ATN1: variants seen among roughly 807,000 people sequenced by gnomAD.
ATN1 encodes atrophin 1, also known as atrophin-1.
In ATN1, 19 loss-of-function variants were observed where a neutral mutation model predicts 85.8. The observed-to-expected ratio is 0.22, with a 90% CI of 0.15 to 0.32. The LOEUF (loss-of-function observed/expected upper bound fraction) is 0.32, where lower values mean the gene tolerates loss of function less well. Ranked by LOEUF, ATN1 falls within the 10% of genes least tolerant of loss-of-function variation. The pLI is 1.00. For missense variants in ATN1, 1,453 were observed against 1,564.5 expected (o/e 0.93, Z 1.20); for synonymous variants, 674 against 657.0 (o/e 1.03, Z -0.39).
At position 6,941,385 on chromosome 12, in the gene ATN1, C is replaced by T. The variant is rs1945632432; in HGVS notation, c.3370C>T (p.Arg1124Trp). 6.2e-7 allele frequency: 1 copy of T among 1,601,476 alleles called. No homozygotes were observed. The change falls in exon 9 of 10, where the codon CGG (arginine) becomes TGG (tryptophan). Residue 1124 changes from arginine (R) to tryptophan (W), a missense_variant. Physicochemically the swap from Arg to Trp is moderately radical, Grantham distance 101. Around this residue, in one of 6 missense-constraint regions of ATN1, gnomAD observed 118 missense variants for 163.7 expected, o/e 0.72. Transcript: ENST00000396684. The surrounding 1 kb of genome is among the most constrained non-coding windows in gnomAD (Gnocchi z 5.9). ...CTTCCTGCTCACAGCTGCCCCTTAC[C>T]GGGACCTGCCGGCCTCCCTTTCTGC... ...LRHQLFAAPY[R>W]DLPASLSAPM...
intron 1 of ATN1, among the ~76,000 whole-genome samples, chr12:6,928,732 C>T (rs1429861063): frequency 6.6e-6 from 1 of 152,092 alleles, no homozygotes; most frequent in Non-Finnish European, 1.5e-5. Flanking sequence ...CGGAGGAAAA[C>T]GGGGGATGCT....
upstream of ATN1, among the ~76,000 whole-genome samples, chr12:6,926,763 C>T (rs1945402891): frequency 6.6e-6 from 1 of 152,182 alleles, no homozygotes; most frequent in South Asian, 2.1e-4. Context: ...AGCCCCCGCA[C>T]CGGCCCCATC....
chr12:6,939,321 C>G, intron 7 of ATN1, 144 bp downstream of exon 7: 1 of 1,238,442 alleles, frequency 8.1e-7, no homozygotes, highest in Non-Finnish European at 1.1e-6. Context: ...ACTTTGCCTC[C>G]CTGACGTTCT....
chr12:6,937,666 T>C lies in ATN1; in HGVS notation c.2294+105T>C, dbSNP rs1294970872. 2.1e-6 allele frequency: 3 copies of C among 1,430,074 alleles called. No homozygotes were observed. The East Asian group carries it at 7.5e-5, about 36-fold the overall frequency. 88.6% of individuals were successfully genotyped at this position (1,430,074 alleles called of 1,614,324 possible). A position where few individuals can be genotyped will look rare whatever the true frequency, so the allele number is the denominator to read the frequency against. ...GGGGCCTTGCGCTGGTGTAGTGTTTTAGAAAAGCACGCCCCTCTCCTCCGT... is the reference window on the plus strand; with the variant it reads ...GGGGCCTTGCGCTGGTGTAGTGTTTCAGAAAAGCACGCCCCTCTCCTCCGT... On this transcript the variant is annotated intron_variant, in intron 5 of 9. Transcript: ENST00000396684. This position sits in a 1 kb window ranked among gnomAD's most constrained non-coding sequence, Gnocchi z 6.0.
rs781816219 is a variant in ATN1 at position 6,941,814 on chromosome 12, A to T, written c.*34A>T. ...ATCAAGAGAGCACCATGGCTCCTACATTGGACCTTGGAGCACCCCCACCCT... is the reference window on the plus strand; with the variant it reads ...ATCAAGAGAGCACCATGGCTCCTACTTTGGACCTTGGAGCACCCCCACCCT... On this transcript the variant is annotated 3_prime_UTR_variant, in exon 10 of 10. Coordinates refer to ENST00000396684, the MANE Select transcript of ATN1 (RefSeq NM_001940.4). The surrounding 1 kb of genome is among the most constrained non-coding windows in gnomAD (Gnocchi z 5.9). 1.9e-6 allele frequency: 3 copies of T among 1,611,948 alleles called. No individual in the cohort carries two copies. In the Admixed American group the frequency reaches 5.0e-5, roughly 27 times the overall value.
intron 1 of ATN1, among the ~76,000 whole-genome samples, chr12:6,930,862 A>G (rs1305689096): frequency 6.6e-6 from 1 of 152,200 alleles, no homozygotes; most frequent in Non-Finnish European, 1.5e-5. Flanking sequence ...GAATGTGCTT[A>G]GTATGTGGCC....
At chr12:6,926,251 C>T (rs1945397715), upstream of ATN1, among the ~76,000 whole-genome samples, 1 of 152,158 alleles carries the variant, frequency 6.6e-6, no homozygotes, top group African/African-American at 2.4e-5. Context: ...CCACATTAAG[C>T]CCAGTCTTCA....
rs146944608 is a variant in ATN1 at position 6,940,279 on chromosome 12, C to T, written c.3215-601C>T. On this transcript the variant is annotated intron_variant, in intron 7 of 9. Coordinates refer to ENST00000396684, the MANE Select transcript of ATN1 (RefSeq NM_001940.4). Reference sequence around the variant, plus strand: ...TGCTGGAATTACAAGCGTGAGCCACCGCACCCGGCTTCCTTTTTTTCTTTT... The same window carrying T: ...TGCTGGAATTACAAGCGTGAGCCACTGCACCCGGCTTCCTTTTTTTCTTTT... Among the ~76,000 whole-genome samples the T allele has an allele frequency of 5.6e-3, 854 of 151,220 alleles. 3 individuals are homozygous for T. The highest frequency in any genetic ancestry group is 9.2e-3 in the Non-Finnish European group (621 of 67,790).
chr12:6,941,127 G>A lies in ATN1; in HGVS notation c.3358+104G>A. ...GTTGGGCTTGGGGAGGGATGAGGAGGTGCCTAGAGGAGCTGGGCATGGGAA... is the reference window on the plus strand; with the variant it reads ...GTTGGGCTTGGGGAGGGATGAGGAGATGCCTAGAGGAGCTGGGCATGGGAA... On this transcript the variant is annotated intron_variant, in intron 8 of 9. Coordinates refer to ENST00000396684, the MANE Select transcript of ATN1 (RefSeq NM_001940.4). This position sits in a 1 kb window ranked among gnomAD's most constrained non-coding sequence, Gnocchi z 5.9. 7.0e-7 allele frequency: 1 copy of A among 1,420,826 alleles called. No individual in the cohort carries two copies. Among genetic ancestry groups the A allele is most frequent in the South Asian group, 1.3e-5 (1 of 75,594 alleles). The allele number at this position is 1,420,826 out of a possible 1,614,324, so 88.0% of individuals were successfully genotyped here.
In ATN1 at chr12:6,936,255, C is replaced by T. The variant is rs1263799458; in HGVS notation, c.988C>T (p.Pro330Ser). 2.5e-6 allele frequency: 4 copies of T among 1,609,854 alleles called. No homozygotes were observed. The highest frequency in any genetic ancestry group is 3.3e-5 in the Admixed American group (2 of 59,780). Residue 330 changes from proline to serine, a missense_variant, in exon 5 of 10, where the codon CCC becomes TCC. Around this residue, in one of 6 missense-constraint regions of ATN1, gnomAD observed 990 missense variants for 914.8 expected, o/e 1.08. Transcript: ENST00000396684. ...LGAQPLPGHL[P>S]SPHAMGQGMG... ...GGCCCAACCACTACCTGGTCATCTG[C>T]CCTCTCCCCACGCCATGGGACAGGG...
chr12:6,939,309 G>C, intron 7 of ATN1, 132 bp downstream of exon 7: 5 of 1,321,584 alleles, frequency 3.8e-6, no homozygotes, highest in South Asian at 1.5e-5. Flanking sequence ...TTGCTGCCCT[G>C]AACTTTGCCT....
At position 6,937,623 on chromosome 12, in the gene ATN1, G is replaced by T; in HGVS notation, c.2294+62G>T. ...GGGGACGACGACAAGGCGGCGACGA[G>T]AGAGGGAGTAGCAGGGAGGGGCCTT... is the stretch of plus-strand genomic sequence containing the variant. On this transcript the variant is annotated intron_variant, in intron 5 of 9. Transcript: ENST00000396684. The surrounding 1 kb of genome is among the most constrained non-coding windows in gnomAD (Gnocchi z 6.0). The T allele has an allele frequency of 6.9e-7, 1 of 1,447,634 alleles. No individual in the cohort carries two copies. The highest frequency in any genetic ancestry group is 9.1e-7 in the Non-Finnish European group (1 of 1,101,026). 89.7% of individuals were successfully genotyped at this position (1,447,634 alleles called of 1,614,324 possible). A position where few individuals can be genotyped will look rare whatever the true frequency, so the allele number is the denominator to read the frequency against.
chr12:6,938,760 A>T lies in ATN1; in HGVS notation c.2797A>T (p.Arg933Trp). The change falls in exon 7 of 10, where the codon AGG becomes TGG. Residue 933 changes from arginine (R) to tryptophan (W), a missense_variant. Transcript: ENST00000396684. ...CAGCAGTGATCCAGCTGCCCGGGAG[A>T]GGGAACGGGAAGCCCGTGAACGAGA... ...LYSSDPAARE[R>W]EREARERDLR... 1 of 1,613,966 alleles carries T rather than the reference A, an allele frequency of 6.2e-7. No individual in the cohort carries two copies. Among genetic ancestry groups the T allele is most frequent in the Non-Finnish European group, 8.5e-7 (1 of 1,180,012 alleles).
rs1591666192 is a variant in ATN1, at chr12:6,938,645, C to T, written c.2682C>T (p.Val894=). 1 of 1,614,240 alleles carries T rather than the reference C, an allele frequency of 6.2e-7. No individual in the cohort carries two copies. The highest frequency in any genetic ancestry group is 1.1e-5 in the South Asian group (1 of 91,080). ...RTLSEYARPH[V]MSPGNRNHPF... Reference sequence around the variant, plus strand: ...TCAGTGAATATGCCCGGCCTCATGTCATGTCTCCTGGCAATCGCAACCATC... The same window carrying T: ...TCAGTGAATATGCCCGGCCTCATGTTATGTCTCCTGGCAATCGCAACCATC... The change falls in exon 7 of 10, where the codon GTC becomes GTT. Residue 894 remains valine (V), a synonymous_variant. Coordinates refer to ENST00000396684, the MANE Select transcript of ATN1 (RefSeq NM_001940.4).
At position 6,933,932 on chromosome 12, in the gene ATN1, G is replaced by C. The variant is rs1023467348; in HGVS notation, c.-70G>C. 109 of 1,553,666 alleles carry C rather than the reference G, an allele frequency of 7.0e-5. No homozygotes were observed. The highest frequency in any genetic ancestry group is 9.0e-5 in the Non-Finnish European group (103 of 1,144,168). On this transcript the variant is annotated 5_prime_UTR_variant, in exon 2 of 10. Transcript: ENST00000396684. ...CCAGACCACAGCTGTGGGGAACTTG[G>C]GGTGGAGCAGAGAAGTTTCTGTATT...
chr12:6,934,501 A>C lies in ATN1; in HGVS notation c.202A>C (p.Asn68His). The C allele has an allele frequency of 6.3e-7, 1 of 1,591,138 alleles. No homozygotes were observed. Among genetic ancestry groups the C allele is most frequent in the South Asian group, 1.1e-5 (1 of 88,002 alleles). ...RVEEASTPKV[N>H]KQGRSEEISE... Reference sequence around the variant, plus strand: ...AGAGGAAGCCTCCACCCCAAAGGTCAACAAGCAGGGTCGGAGTGAGGAGAT... The same window carrying C: ...AGAGGAAGCCTCCACCCCAAAGGTCCACAAGCAGGGTCGGAGTGAGGAGAT... Residue 68 changes from asparagine (N) to histidine (H), a missense_variant, in exon 4 of 10, where the codon AAC (asparagine) becomes CAC (histidine). Coordinates refer to ENST00000396684, the MANE Select transcript of ATN1 (RefSeq NM_001940.4). The surrounding 1 kb of genome is among the most constrained non-coding windows in gnomAD (Gnocchi z 4.5).
In ATN1 at chr12:6,937,218, A is replaced by T. The variant is rs782136464; in HGVS notation, c.1951A>T (p.Thr651Ser). 76 of 1,611,520 alleles carry T rather than the reference A, an allele frequency of 4.7e-5. No individual in the cohort carries two copies. Among genetic ancestry groups the T allele is most frequent in the Non-Finnish European group, 6.3e-5 (74 of 1,179,622 alleles). Residue 651 changes from threonine to serine, a missense_variant, in exon 5 of 10, where the codon ACA becomes TCA. Physicochemically the swap from Thr to Ser is moderately conservative, Grantham distance 58 (BLOSUM62 1). Coordinates refer to ENST00000396684, the MANE Select transcript of ATN1 (RefSeq NM_001940.4). The surrounding 1 kb of genome is among the most constrained non-coding windows in gnomAD (Gnocchi z 6.0). ...KRAPSPGAYK[T>S]ATPPGYKPGS... ...AGCCCCGTCCCCGGGGGCCTACAAG[A>T]CAGCCACCCCACCCGGATACAAACC...
At position 6,934,530 on chromosome 12, in the gene ATN1, A is replaced by G; in HGVS notation, c.231A>G (p.Ser77=). The stretch of plus-strand genomic sequence containing the variant: ...AGCAGGGTCGGAGTGAGGAGATCTC[A>G]GAGAGTGAAAGTGAGGAGACCAATG... ...VNKQGRSEEI[S]ESESEETNAP... is the part of the protein sequence containing the mutation. Residue 77 remains serine, a synonymous_variant, in exon 4 of 10, where the codon TCA becomes TCG. Coordinates refer to ENST00000396684, the MANE Select transcript of ATN1 (RefSeq NM_001940.4). The surrounding 1 kb of genome is among the most constrained non-coding windows in gnomAD (Gnocchi z 4.5). 1 of 1,579,198 alleles carries G rather than the reference A, an allele frequency of 6.3e-7. No homozygotes were observed. The highest frequency in any genetic ancestry group is 8.6e-7 in the Non-Finnish European group (1 of 1,161,782).
chr12:6,938,349 G>C, intron 6 of ATN1, 132 bp from the exon 7 acceptor site: 1 of 1,364,970 alleles, frequency 7.3e-7, no homozygotes, highest in Non-Finnish European at 9.7e-7. Context: ...CCGCAGTTAA[G>C]TTCCAGGTGG....
Sources: gnomAD v4.1 joint callset for allele counts (sites outside exome capture counted in the v4.1 genomes callset) on GRCh38, gnomAD v4.1.1 for gene constraint, gnomAD v4.1.1 regional missense constraint, Gnocchi (gnomAD v3.1) non-coding constraint, MANE v1.5 for transcripts, NCBI Gene and HGNC (gene_info 2026-07-23, HGNC 2026-07-21) for gene names.